Variants in ACAP2 observed in about 807,000 individuals in gnomAD.
ACAP2 encodes ArfGAP with coiled-coil, ankyrin repeat and PH domains 2.
Under a neutral mutation model 115.8 loss-of-function variants are expected in ACAP2, and 39 were observed. The observed-to-expected ratio is 0.34, with a 90% confidence interval of 0.26 to 0.44. The LOEUF (loss-of-function observed/expected upper bound fraction) is 0.44. Ranked by LOEUF, ACAP2 falls within the 20% of genes least tolerant of loss-of-function variation. The pLI is 1.00. For synonymous variants in ACAP2, 289 were observed against 315.8 expected (o/e 0.92, Z 0.90); for missense variants, 662 against 927.6 (o/e 0.71, Z 3.72).
intron 4 of ACAP2, among the ~76,000 whole-genome samples, chr3:195,367,690 T>C (rs1732823556): frequency 1.3e-5 from 2 of 152,202 alleles, no homozygotes; most frequent in Non-Finnish European, 2.9e-5. Context: ...TACCCACTGA[T>C]TTCACATTCG....
chr3:195,325,990 T>C (rs1429898712), intron 9 of ACAP2, among the ~76,000 whole-genome samples: 1 of 152,240 alleles, frequency 6.6e-6, no homozygotes, highest in Non-Finnish European at 1.5e-5. Flanking sequence ...TATTTTTCTT[T>C]GAGCATTAAT....
Position 195,322,477 on chromosome 3 carries a change from A to G in ACAP2, c.745-1664T>C, listed in dbSNP as rs188813259. ...TAAATTCAGAATTTCAAAAGAGAAA[A>G]AAAAATAACCTCTCCTGACACCTTT... is the stretch of plus-strand genomic sequence containing the variant. On this transcript the variant is annotated intron_variant, in intron 9 of 22. Coordinates refer to ENST00000326793, the MANE Select transcript of ACAP2 (RefSeq NM_012287.6). 4.9e-3 allele frequency among the ~76,000 whole-genome samples: 753 copies of G among 152,280 alleles called. 5 individuals are homozygous for G. Among genetic ancestry groups the G allele is most frequent in the African/African-American group, 0.018 (730 of 41,562 alleles).
rs71982948 is a variant in ACAP2 at position 195,378,055 on chromosome 3, A to AGAGGGAGG, written c.285+2946_285+2953dup. Reference sequence around the variant, plus strand: ...CAAGTATAAGGAATAGTGAAAAAGAAGAGGGAGGGAGGGAGGGAGGAAGGG... The same window carrying AGAGGGAGG: ...CAAGTATAAGGAATAGTGAAAAAGAAGAGGGAGGGAGGGAGGGAGGGAGGGAGGAAGGG... On this transcript the variant is annotated intron_variant, in intron 4 of 22. Transcript: ENST00000326793. 1.4e-4 allele frequency among the ~76,000 whole-genome samples: 20 copies of AGAGGGAGG among 143,632 alleles called. No individual in the cohort carries two copies. In the South Asian group the frequency reaches 2.1e-3, roughly 15 times the overall value. The allele number at this position is 143,632 out of a possible 152,430, so 94.2% of individuals were successfully genotyped here.
chr3:195,289,499 C>G (rs1560203646), intron 20 of ACAP2, among the ~76,000 whole-genome samples: 1 of 151,964 alleles, frequency 6.6e-6, no homozygotes, highest in Non-Finnish European at 1.5e-5. Context: ...GGTCCCTACC[C>G]TCAAAGAATA....
intron 1 of ACAP2, among the ~76,000 whole-genome samples, chr3:195,394,104 G>C (rs1274677265): frequency 6.6e-6 from 1 of 152,132 alleles, no homozygotes; most frequent in South Asian, 2.1e-4. Context: ...GGAAAAAGAA[G>C]TCCAAACACC....
In ACAP2 at chr3:195,307,316, G is replaced by A. The variant is rs763853925; in HGVS notation, c.917C>T (p.Pro306Leu). 36 of 1,610,264 alleles carry A rather than the reference G, an allele frequency of 2.2e-5. No individual in the cohort carries two copies. Among genetic ancestry groups the A allele is most frequent in the Middle Eastern group, 1.6e-4 (1 of 6,068 alleles). ...CCTGAGGTCTTCAACTACCACAGTC[G>A]GATTATCCTATAGTGAGGAAACCAA... ...LVYQKKFKDN[P>L]TVVVEDLRLC... Residue 306 changes from proline to leucine, a missense_variant, in exon 12 of 23, where the codon CCG becomes CTG. Pro to Leu is a moderately conservative substitution (Grantham distance 98). Around this residue, in one of 3 missense-constraint regions of ACAP2, gnomAD observed 401 missense variants for 604.4 expected, o/e 0.66. Coordinates refer to ENST00000326793, the MANE Select transcript of ACAP2 (RefSeq NM_012287.6).
At chr3:195,297,968 T>C (rs1727761203) in intron 15 of ACAP2, among the ~76,000 whole-genome samples, 1 of 152,128 alleles carries the variant, frequency 6.6e-6, no homozygotes, top group Non-Finnish European at 1.5e-5. Flanking sequence ...TATGCCCAAT[T>C]CCAGGCTTGA....
chr3:195,360,190 C>T (rs1732258949), intron 4 of ACAP2, among the ~76,000 whole-genome samples: 1 of 152,036 alleles, frequency 6.6e-6, no homozygotes, highest in South Asian at 2.1e-4. Context: ...AAAGATATTA[C>T]ATGCAAATGG....
chr3:195,336,473 A>G (rs930637275), intron 7 of ACAP2: 1 of 152,680 alleles, frequency 6.5e-6, no homozygotes, highest in East Asian at 1.9e-4. Flanking sequence ...AAAAATGTAA[A>G]TATGTTGAAA....
At chr3:195,293,290 C>T (rs1727390750) in intron 18 of ACAP2, among the ~76,000 whole-genome samples, 1 of 152,196 alleles carries the variant, frequency 6.6e-6, no homozygotes, top group African/African-American at 2.4e-5. Flanking sequence ...GCACTACAAG[C>T]ACTTCAAATA....
At chr3:195,431,044 G>A (rs146801548) in intron 1 of ACAP2, among the ~76,000 whole-genome samples, 1 of 152,066 alleles carries the variant, frequency 6.6e-6, no homozygotes, top group South Asian at 2.1e-4. Flanking sequence ...ACCACTAATT[G>A]CATTTCCCTC....
chr3:195,297,060 C>A, intron 16 of ACAP2, 130 bp downstream of exon 16: 1 of 723,470 alleles, frequency 1.4e-6, no homozygotes, highest in South Asian at 1.8e-5. Flanking sequence ...AAAGAGATAG[C>A]CAACATTCGA....
intron 1 of ACAP2, among the ~76,000 whole-genome samples, chr3:195,423,998 T>C (rs1714404452): frequency 6.6e-6 from 1 of 151,900 alleles, no homozygotes; most frequent in Admixed American, 6.6e-5. Context: ...GGTGGGTCCC[T>C]GTATGACTAC....
rs1726304421 is a variant in ACAP2, at chr3:195,278,917, C to G, written c.*411G>C. 6.5e-6 allele frequency: 1 copy of G among 153,810 alleles called. No homozygotes were observed. Among genetic ancestry groups the G allele is most frequent in the Non-Finnish European group, 1.4e-5 (1 of 69,284 alleles). The allele number at this position is 153,810 out of a possible 1,614,324, so 9.5% of individuals were successfully genotyped here. A position where few individuals can be genotyped will look rare whatever the true frequency, so the allele number is the denominator to read the frequency against. ...CTAAAGAAAACACATATTCTTGAGG[C>G]AGGCAGGACAGTTGGCTTCCACTTG... On this transcript the variant is annotated 3_prime_UTR_variant, in exon 23 of 23. Transcript: ENST00000326793.
chr3:195,414,651 T>G (rs1269767555), intron 1 of ACAP2, among the ~76,000 whole-genome samples: 1 of 152,044 alleles, frequency 6.6e-6, no homozygotes, highest in South Asian at 2.1e-4. Context: ...AAATCAAAAA[T>G]AGAAAACACA....
chr3:195,440,627 T>C lies in ACAP2; in HGVS notation c.53+2168A>G, dbSNP rs142255588. Among the ~76,000 whole-genome samples, 13 of 152,304 alleles carry C rather than the reference T, an allele frequency of 8.5e-5. No individual in the cohort carries two copies. In the East Asian group the frequency reaches 2.1e-3, roughly 25 times the overall value. On this transcript the variant is annotated intron_variant, in intron 1 of 22. Coordinates refer to ENST00000326793, the MANE Select transcript of ACAP2 (RefSeq NM_012287.6). ...TTTTATTTTGATACAAGTTTCACTATCACTCAACATACACAATACTCTCAA... is the reference window on the plus strand; with the variant it reads ...TTTTATTTTGATACAAGTTTCACTACCACTCAACATACACAATACTCTCAA...
At chr3:195,333,836 A>G (rs1577316402) in intron 7 of ACAP2, among the ~76,000 whole-genome samples, 1 of 152,214 alleles carries the variant, frequency 6.6e-6, no homozygotes, top group Non-Finnish European at 1.5e-5. Context: ...TAAAACACAA[A>G]CGCTTTACAA....
In ACAP2 at chr3:195,415,093, G is replaced by A. The variant is rs139814484; in HGVS notation, c.54-22946C>T. On this transcript the variant is annotated intron_variant, in intron 1 of 22. Transcript: ENST00000326793. Reference sequence around the variant, plus strand: ...ATTTATCTAAACATCAAGAATGAACGTTAATGGAAACCATGGACTTTGGGT... The same window carrying A: ...ATTTATCTAAACATCAAGAATGAACATTAATGGAAACCATGGACTTTGGGT... 3.9e-5 allele frequency among the ~76,000 whole-genome samples: 6 copies of A among 152,186 alleles called. No individual in the cohort carries two copies. In the East Asian group the frequency reaches 1.2e-3, roughly 29 times the overall value.
chr3:195,330,325 C>A (rs1029053617), intron 8 of ACAP2, among the ~76,000 whole-genome samples: 28 of 152,148 alleles, frequency 1.8e-4, no homozygotes, highest in African/African-American at 5.8e-4. Flanking sequence ...CACCTCCAAC[C>A]CGGCCATCTT....
Sources: allele counts gnomAD v4.1 joint callset (sites outside exome capture counted in the v4.1 genomes callset), GRCh38; gene constraint gnomAD v4.1.1; regional missense constraint gnomAD v4.1.1; transcripts MANE v1.5; gene names NCBI Gene and HGNC (gene_info 2026-07-23, HGNC 2026-07-21).